Variants in CDH9 observed in about 807,000 individuals in gnomAD.
CDH9 encodes the protein cadherin 9.
CDH9 carries 28 observed loss-of-function variants against 70.9 expected under a neutral mutation model. The ratio of observed to expected loss-of-function variants is 0.40; its 90% CI spans 0.29 to 0.54. The LOEUF is 0.54. CDH9 is among the 20% of genes least tolerant of loss of function. The probability of loss-of-function intolerance (pLI) is 0.59; values close to 1 mark genes in which losing one functional copy is unlikely to be tolerated. For synonymous variants in CDH9, 409 were observed against 343.1 expected, an observed-to-expected ratio of 1.19 and a Z score of -2.12; for missense variants, 874 against 984.4, an observed-to-expected ratio of 0.89 and a Z score of 1.50.
At chr5:26,902,213 C>CAA (rs1740867063) in intron 7 of CDH9, among the ~76,000 whole-genome samples, 1 of 151,850 alleles carries the variant, frequency 6.6e-6, no homozygotes, top group Non-Finnish European at 1.5e-5. Flanking sequence ...TCCCCAAAAA[C>CAA]AAATTATAAT....
chr5:26,885,522 T>G, intron 11 of CDH9, 92 bp downstream of exon 11: 1 of 1,024,522 alleles, frequency 9.8e-7, no homozygotes, highest in Non-Finnish European at 1.5e-6. Flanking sequence ...TATCTTTATC[T>G]ATAGAGAAAA....
At chr5:26,980,203 C>T (rs1742376893) in intron 2 of CDH9, among the ~76,000 whole-genome samples, 1 of 151,798 alleles carries the variant, frequency 6.6e-6, no homozygotes, top group Non-Finnish European at 1.5e-5. Context: ...TTGGAAGTTT[C>T]ACAAAATAGT....
At chr5:26,986,154 G>A (rs1292636543) in intron 2 of CDH9, among the ~76,000 whole-genome samples, 1 of 151,876 alleles carries the variant, frequency 6.6e-6, no homozygotes, top group Non-Finnish European at 1.5e-5. Context: ...ATTTCCTACT[G>A]GAAACATAGA....
intron 3 of CDH9, among the ~76,000 whole-genome samples, chr5:26,912,036 C>A (rs1741064098): frequency 6.6e-6 from 1 of 151,996 alleles, no homozygotes; most frequent in Admixed American, 6.6e-5. Context: ...CAGAAAATAA[C>A]ATTGTAAAGA....
chr5:26,954,709 G>GA (rs944023555), intron 2 of CDH9, among the ~76,000 whole-genome samples: 7 of 150,708 alleles, frequency 4.6e-5, no homozygotes, highest in African/African-American at 1.2e-4. Context: ...TTTTATTCTT[G>GA]AAAAAAAACA....
intron 1 of CDH9, among the ~76,000 whole-genome samples, chr5:27,037,805 A>G (rs1743419899): frequency 6.6e-6 from 1 of 152,012 alleles, no homozygotes; most frequent in African/African-American, 2.4e-5. Context: ...ATAGAAAGCA[A>G]TTATAGCTCA....
chr5:26,905,977 G>A lies in CDH9; in HGVS notation c.793C>T (p.Pro265Ser). ...NITLTDVNNN[P>S]PRFPQSTYQF... ...TTCTTACTCTGGGGAAATCGAGGAG[G>A]GTTGTTGTTGACATCTGTCAGCGTG... Residue 265 changes from proline (P) to serine (S), a missense_variant, in exon 5 of 12, where the codon CCT (proline) becomes TCT (serine). By Grantham distance (74) the Pro-to-Ser change is moderately conservative. Coordinates refer to ENST00000231021, the MANE Select transcript of CDH9 (RefSeq NM_016279.4). The A allele has an allele frequency of 6.2e-7, 1 of 1,613,472 alleles. No homozygotes were observed. Among genetic ancestry groups the A allele is most frequent in the Non-Finnish European group, 8.5e-7 (1 of 1,179,506 alleles).
At chr5:26,996,845 T>C (rs1742674890) in intron 1 of CDH9, among the ~76,000 whole-genome samples, 1 of 151,930 alleles carries the variant, frequency 6.6e-6, no homozygotes, top group South Asian at 2.1e-4. Flanking sequence ...GCCCAAGTGC[T>C]GGCATGTAAT....
At chr5:26,951,548 C>A (rs1163718839) in intron 2 of CDH9, among the ~76,000 whole-genome samples, 1 of 152,070 alleles carries the variant, frequency 6.6e-6, no homozygotes, top group Non-Finnish European at 1.5e-5. Flanking sequence ...TGTTTCATAA[C>A]CTAAATATAT....
chr5:26,881,726 G>T, intron 11 of CDH9, 103 bp from the exon 12 acceptor site: 1 of 1,057,380 alleles, frequency 9.5e-7, no homozygotes, highest in Non-Finnish European at 1.3e-6. Context: ...TATTAAGATT[G>T]ATCGAATAAA....
intron 2 of CDH9, among the ~76,000 whole-genome samples, chr5:26,985,392 T>C (rs1273462217): frequency 6.6e-6 from 1 of 152,108 alleles, no homozygotes; most frequent in Non-Finnish European, 1.5e-5. Flanking sequence ...TTAAACAGCT[T>C]CTAAATTATA....
chr5:26,897,547 A>G (rs1422918503), intron 7 of CDH9, among the ~76,000 whole-genome samples: 1 of 152,202 alleles, frequency 6.6e-6, no homozygotes, highest in Admixed American at 6.5e-5. Flanking sequence ...CCATCATATA[A>G]ACAGAGCCAA....
At chr5:26,914,960 A>T (rs946451584) in intron 3 of CDH9, among the ~76,000 whole-genome samples, 1 of 151,996 alleles carries the variant, frequency 6.6e-6, no homozygotes, top group Non-Finnish European at 1.5e-5. Context: ...TACACATATA[A>T]AACTCCGCAC....
chr5:26,995,535 T>A (rs887037096), intron 1 of CDH9, among the ~76,000 whole-genome samples: 26 of 152,250 alleles, frequency 1.7e-4, no homozygotes, highest in African/African-American at 5.8e-4. Context: ...TTCTCATAAT[T>A]CTTTATAAAT....
intron 9 of CDH9, among the ~76,000 whole-genome samples, chr5:26,889,548 A>G (rs939743541): frequency 2.0e-5 from 3 of 152,134 alleles, no homozygotes; most frequent in African/African-American, 7.2e-5. Flanking sequence ...AAGCATAATT[A>G]TGAATGCAGG....
intron 3 of CDH9, among the ~76,000 whole-genome samples, chr5:26,909,843 A>C (rs1225853582): frequency 6.6e-6 from 1 of 152,126 alleles, no homozygotes; most frequent in East Asian, 1.9e-4. Context: ...ATAATAGTAA[A>C]TCATGAAGAA....
intron 2 of CDH9, among the ~76,000 whole-genome samples, chr5:26,944,982 G>A (rs1050005496): frequency 3.9e-5 from 6 of 152,118 alleles, no homozygotes; most frequent in Non-Finnish European, 4.4e-5. Context: ...CTATCATCCA[G>A]GAGGGTTGGA....
At chr5:26,888,908 T>C (rs1740608523) in intron 9 of CDH9, among the ~76,000 whole-genome samples, 10 of 152,184 alleles carry the variant, frequency 6.6e-5, no homozygotes, top group Admixed American at 6.6e-4. Flanking sequence ...TGTATGCTAA[T>C]TCCATCAGAT....
Position 26,998,086 on chromosome 5 carries a change from T to C in CDH9, c.-49-9704A>G, listed in dbSNP as rs116715800. Among the ~76,000 whole-genome samples, 230 of 152,294 alleles carry C rather than the reference T, an allele frequency of 1.5e-3. 1 individual carries two copies. Among genetic ancestry groups the C allele is most frequent in the African/African-American group, 5.1e-3 (212 of 41,570 alleles). On this transcript the variant is annotated intron_variant, in intron 1 of 11. Transcript: ENST00000231021. ...TAATATGGAGCATGAAATTGGACTATAATAAAGCCAAGGGCATTCCACACC... is the reference window on the plus strand; with the variant it reads ...TAATATGGAGCATGAAATTGGACTACAATAAAGCCAAGGGCATTCCACACC...
Sources: gnomAD v4.1 joint callset for allele counts (sites outside exome capture counted in the v4.1 genomes callset) on GRCh38, gnomAD v4.1.1 for gene constraint, MANE v1.5 for transcripts, NCBI Gene and HGNC (gene_info 2026-07-23, HGNC 2026-07-21) for gene names.